Variants in MCU observed in about 807,000 individuals in gnomAD.
The protein encoded by MCU is mitochondrial calcium uniporter.
In MCU, 12 loss-of-function variants were observed where a neutral mutation model predicts 45.2. The ratio of observed to expected loss-of-function variants is 0.27; its 90% CI spans 0.17 to 0.43. The LOEUF is 0.43. MCU is among the 20% of genes least tolerant of loss of function. The pLI, the probability that MCU is intolerant of heterozygous loss-of-function variation, is 1.00. For synonymous variants in MCU, 160 were observed against 165.1 expected, an observed-to-expected ratio of 0.97 and a Z score of 0.24; for missense variants, 324 against 436.7, an observed-to-expected ratio of 0.74 and a Z score of 2.30.
intron 1 of MCU, among the ~76,000 whole-genome samples, chr10:72,787,837 G>A (rs1317649976): frequency 1.3e-5 from 2 of 151,644 alleles, no homozygotes; most frequent in African/African-American, 2.4e-5. Flanking sequence ...TCCTGCCTCA[G>A]CATCCTAAGT....
intron 1 of MCU, among the ~76,000 whole-genome samples, chr10:72,818,078 G>T (rs1049518299): frequency 1.3e-5 from 2 of 152,186 alleles, no homozygotes; most frequent in Non-Finnish European, 2.9e-5. Flanking sequence ...AGAATTAGCT[G>T]TTAGGAAAGT....
intron 1 of MCU, among the ~76,000 whole-genome samples, chr10:72,798,754 A>G (rs1589465989): frequency 1.3e-5 from 2 of 152,260 alleles, no homozygotes; most frequent in Non-Finnish European, 2.9e-5. Context: ...GCAGTTTGAT[A>G]TACATTCTTT....
At chr10:72,697,186 G>A (rs1288679962) in intron 1 of MCU, among the ~76,000 whole-genome samples, 11 of 151,802 alleles carry the variant, frequency 7.2e-5, no homozygotes, top group East Asian at 1.9e-4. Context: ...GCGTGATCTC[G>A]GCTCACTGCA....
chr10:72,778,209 AG>A, intron 1 of MCU, among the ~76,000 whole-genome samples: 1 of 152,358 alleles, frequency 6.6e-6, no homozygotes, highest in Non-Finnish European at 1.5e-5. Context: ...AATATTTTTA[AG>A]GGTTATCTGC....
chr10:72,839,475 A>C (rs1188403022), intron 2 of MCU, among the ~76,000 whole-genome samples: 1 of 152,152 alleles, frequency 6.6e-6, no homozygotes, highest in Non-Finnish European at 1.5e-5. Context: ...TACAATATGT[A>C]GTCTTTCGCA....
At chr10:72,815,968 C>T (rs763297612) in intron 1 of MCU, among the ~76,000 whole-genome samples, 4 of 152,038 alleles carry the variant, frequency 2.6e-5, no homozygotes, top group Non-Finnish European at 5.9e-5. Context: ...CACTTGAGGC[C>T]ATAAGTTCAA....
At chr10:72,724,766 T>C (rs987150802) in intron 1 of MCU, among the ~76,000 whole-genome samples, 1 of 152,218 alleles carries the variant, frequency 6.6e-6, no homozygotes, top group East Asian at 1.9e-4. Context: ...TTTTCTCTTA[T>C]TAGATCAGCT....
At chr10:72,739,463 T>TAG (rs1843295935) in intron 1 of MCU, among the ~76,000 whole-genome samples, 1 of 152,202 alleles carries the variant, frequency 6.6e-6, no homozygotes, top group African/African-American at 2.4e-5. Flanking sequence ...CTTTAAAATG[T>TAG]TAACTTTAGT....
At chr10:72,870,362 T>C (rs963676912) in intron 5 of MCU, among the ~76,000 whole-genome samples, 1 of 152,208 alleles carries the variant, frequency 6.6e-6, no homozygotes, top group Non-Finnish European at 1.5e-5. Flanking sequence ...CACTGCAGGC[T>C]CCACCTCCCG....
intron 6 of MCU, among the ~76,000 whole-genome samples, chr10:72,880,029 CAG>C (rs1319568962): frequency 1.3e-5 from 2 of 152,114 alleles, no homozygotes; most frequent in African/African-American, 4.8e-5. Flanking sequence ...GCCTGGGTGA[CAG>C]AGTGAGACTC....
At chr10:72,831,601 G>A (rs766966643) in intron 1 of MCU, among the ~76,000 whole-genome samples, 21 of 152,086 alleles carry the variant, frequency 1.4e-4, no homozygotes, top group Non-Finnish European at 1.2e-4. Flanking sequence ...TTTTTGCTTC[G>A]TGGGTTGGAG....
chr10:72,736,554 C>G (rs961433473), intron 1 of MCU: 2 of 152,158 alleles, frequency 1.3e-5, no homozygotes, highest in African/African-American at 4.8e-5. Flanking sequence ...AGGATTATGA[C>G]CAACACTTGC....
chr10:72,869,804 G>T (rs1381513242), intron 5 of MCU, among the ~76,000 whole-genome samples: 1 of 151,994 alleles, frequency 6.6e-6, no homozygotes, highest in Non-Finnish European at 1.5e-5. Flanking sequence ...TTGATATCTT[G>T]GTTTGGGGGG....
At chr10:72,827,322 C>T (rs936606271) in intron 1 of MCU, among the ~76,000 whole-genome samples, 1 of 152,088 alleles carries the variant, frequency 6.6e-6, no homozygotes, top group Non-Finnish European at 1.5e-5. Flanking sequence ...ATTCAATGAC[C>T]ATCTCAATAC....
At chr10:72,844,809 T>G (rs1589492463) in intron 2 of MCU, among the ~76,000 whole-genome samples, 1 of 152,280 alleles carries the variant, frequency 6.6e-6, no homozygotes, top group African/African-American at 2.4e-5. Flanking sequence ...AAATAAAATG[T>G]AAGACATTTA....
intron 7 of MCU, among the ~76,000 whole-genome samples, chr10:72,885,455 T>C (rs1845762388): frequency 6.6e-6 from 1 of 152,236 alleles, no homozygotes; most frequent in African/African-American, 2.4e-5. Context: ...ATGTCTCAGA[T>C]GCTCCTTACA....
intron 7 of MCU, among the ~76,000 whole-genome samples, chr10:72,884,850 G>T (rs942767011): frequency 1.3e-5 from 2 of 152,084 alleles, no homozygotes; most frequent in African/African-American, 4.8e-5. Context: ...ACTAGAAGAT[G>T]CTTGGAAAAG....
chr10:72,718,210 G>A (rs963826745), intron 1 of MCU, among the ~76,000 whole-genome samples: 2 of 152,154 alleles, frequency 1.3e-5, no homozygotes, highest in African/African-American at 4.8e-5. Flanking sequence ...CTATTTAAAT[G>A]AGTACAACAG....
intron 1 of MCU, among the ~76,000 whole-genome samples, chr10:72,782,564 G>T (rs1311035964): frequency 6.6e-6 from 1 of 152,112 alleles, no homozygotes; most frequent in Non-Finnish European, 1.5e-5. Flanking sequence ...TAGAGGCGGG[G>T]TTTCGCCATG....
Sources: gnomAD v4.1 joint callset for allele counts (sites outside exome capture counted in the v4.1 genomes callset) on GRCh38, gnomAD v4.1.1 for gene constraint, MANE v1.5 for transcripts, NCBI Gene and HGNC (gene_info 2026-07-23, HGNC 2026-07-21) for gene names.